PLCXD3: variants seen among roughly 807,000 people sequenced by gnomAD.
PLCXD3 encodes the protein phosphatidylinositol specific phospholipase C X domain containing 3.
PLCXD3 carries 19 observed loss-of-function variants against 25.5 expected under a neutral mutation model. The observed-to-expected ratio is 0.75, with a 90% CI of 0.52 to 1.09. PLCXD3 has a LOEUF of 1.09. PLCXD3 is among the 50% of genes least tolerant of loss of function. PLCXD3 has a pLI of 0.00. For synonymous variants in PLCXD3, 174 were observed against 137.6 expected, an observed-to-expected ratio of 1.26 and a Z score of -1.85; for missense variants, 411 against 388.1, an observed-to-expected ratio of 1.06 and a Z score of -0.50.
At chr5:41,489,102 T>C (rs2150524928) in intron 1 of PLCXD3, among the ~76,000 whole-genome samples, 1 of 152,336 alleles carries the variant, frequency 6.6e-6, no homozygotes, top group East Asian at 1.9e-4. Context: ...GAATTGATTT[T>C]TGTATAAGGT....
In PLCXD3 at chr5:41,308,645, T is replaced by C. The variant is rs774320184; in HGVS notation, c.*4972A>G. The C allele has an allele frequency of 1.4e-4, 21 of 152,138 alleles. No individual in the cohort carries two copies. The highest frequency in any genetic ancestry group is 7.2e-4 in the Admixed American group (11 of 15,256). 9.4% of individuals were successfully genotyped at this position (152,138 alleles called of 1,614,324 possible). On this transcript the variant is annotated 3_prime_UTR_variant, in exon 3 of 3. Transcript: ENST00000377801. ...AGAACCATGTTGGAACCACCTAGTA[T>C]GGATGGGCCTTTAAAAGCTCTCCTA...
intron 1 of PLCXD3, among the ~76,000 whole-genome samples, chr5:41,401,063 T>G (rs1270483543): frequency 6.6e-6 from 1 of 152,118 alleles, no homozygotes; most frequent in Admixed American, 6.5e-5. Flanking sequence ...GAAGTGTTCA[T>G]TCCAGTCTTT....
intron 1 of PLCXD3, among the ~76,000 whole-genome samples, chr5:41,453,785 A>G (rs1027612304): frequency 6.6e-6 from 1 of 151,892 alleles, no homozygotes; most frequent in Non-Finnish European, 1.5e-5. Flanking sequence ...CATGCACTGG[A>G]AAGTTTTGTC....
intron 1 of PLCXD3, among the ~76,000 whole-genome samples, chr5:41,403,401 G>T (rs9686539): frequency 0.25 from 4,001 of 16,098 alleles, 932 homozygotes; most frequent in Middle Eastern, 0.56. Flanking sequence ...CTTATTTGTT[G>T]TTTTTTTTTT....
chr5:41,417,008 G>T (rs1434318337), intron 1 of PLCXD3, among the ~76,000 whole-genome samples: 4 of 152,170 alleles, frequency 2.6e-5, no homozygotes, highest in Admixed American at 2.6e-4. Flanking sequence ...AAGAACAATG[G>T]TGGGGACATT....
At chr5:41,427,448 T>C (rs1314146739) in intron 1 of PLCXD3, among the ~76,000 whole-genome samples, 1 of 152,178 alleles carries the variant, frequency 6.6e-6, no homozygotes, top group African/African-American at 2.4e-5. Flanking sequence ...ATTTTCTTTA[T>C]CCTTTCAAGT....
chr5:41,399,603 T>A (rs113839555), intron 1 of PLCXD3, among the ~76,000 whole-genome samples: 306 of 152,218 alleles, frequency 2.0e-3, no homozygotes, highest in African/African-American at 7.1e-3. Context: ...GAAAAGATAG[T>A]ATCTTCCATA....
rs1486066067 is a variant in PLCXD3 at position 41,407,642 on chromosome 5, C to T, written c.104-25108G>A. Among the ~76,000 whole-genome samples the T allele has an allele frequency of 2.0e-5, 3 of 152,166 alleles. No individual in the cohort carries two copies. The South Asian group carries it at 6.2e-4, about 32-fold the overall frequency. Reference sequence around the variant, plus strand: ...GACAACACACAATATGTATCACAATCTACAAGACTTCTAGAATTGAACAGA... The same window carrying T: ...GACAACACACAATATGTATCACAATTTACAAGACTTCTAGAATTGAACAGA... On this transcript the variant is annotated intron_variant, in intron 1 of 2. Coordinates refer to ENST00000377801, the MANE Select transcript of PLCXD3 (RefSeq NM_001005473.3).
intron 1 of PLCXD3, among the ~76,000 whole-genome samples, chr5:41,479,362 G>T (rs747909520): frequency 6.6e-6 from 1 of 152,044 alleles, no homozygotes; most frequent in Non-Finnish European, 1.5e-5. Flanking sequence ...GTGTTTGATT[G>T]GTATAGAGTT....
Position 41,444,297 on chromosome 5 carries a change from G to T in PLCXD3, c.104-61763C>A, listed in dbSNP as rs116698258. On this transcript the variant is annotated intron_variant, in intron 1 of 2. Transcript: ENST00000377801. ...GAGGGTTAATATTATCATCAATTCT[G>T]TCTGAGGATGGCAAAGTTAGAATCA... 9.8e-4 allele frequency among the ~76,000 whole-genome samples: 149 copies of T among 152,226 alleles called. 5 individuals carry two copies. Among genetic ancestry groups the T allele is most frequent in the African/African-American group, 3.5e-3 (145 of 41,526 alleles).
At chr5:41,349,150 C>A (rs1744383126) in intron 2 of PLCXD3, among the ~76,000 whole-genome samples, 2 of 152,126 alleles carry the variant, frequency 1.3e-5, no homozygotes, top group Admixed American at 6.5e-5. Flanking sequence ...AATGTGAAGA[C>A]CCCTAGCTCT....
intron 2 of PLCXD3, among the ~76,000 whole-genome samples, chr5:41,357,872 A>G (rs961510888): frequency 1.3e-5 from 2 of 152,224 alleles, no homozygotes; most frequent in South Asian, 2.1e-4. Flanking sequence ...CAAAATTGTT[A>G]TATGTGCCCA....
chr5:41,400,502 A>C (rs949233243), intron 1 of PLCXD3, among the ~76,000 whole-genome samples: 1 of 152,164 alleles, frequency 6.6e-6, no homozygotes, highest in Non-Finnish European at 1.5e-5. Flanking sequence ...AGTACTATTC[A>C]GCCACATAGA....
At chr5:41,333,108 T>C (rs1743878531) in intron 2 of PLCXD3, among the ~76,000 whole-genome samples, 1 of 151,422 alleles carries the variant, frequency 6.6e-6, no homozygotes, top group Non-Finnish European at 1.5e-5. Context: ...AATAAAATAA[T>C]ATAAAATAAA....
chr5:41,465,960 A>G (rs560769413), intron 1 of PLCXD3, among the ~76,000 whole-genome samples: 3 of 152,230 alleles, frequency 2.0e-5, no homozygotes, highest in Non-Finnish European at 2.9e-5. Context: ...AAAAGAAACT[A>G]TCTAATTACG....
chr5:41,416,291 G>A (rs1170068163), intron 1 of PLCXD3, among the ~76,000 whole-genome samples: 1 of 152,202 alleles, frequency 6.6e-6, no homozygotes, highest in Admixed American at 6.5e-5. Flanking sequence ...TTTAGCTTTG[G>A]CTGGAATAGA....
chr5:41,307,653 G>T lies in PLCXD3; in HGVS notation c.*5964C>A, dbSNP rs1158071956. 2.0e-5 allele frequency: 3 copies of T among 152,324 alleles called. No individual in the cohort carries two copies. In the East Asian group the frequency reaches 5.8e-4, roughly 29 times the overall value. The allele number at this position is 152,324 out of a possible 1,614,324, so 9.4% of individuals were successfully genotyped here. The stretch of plus-strand genomic sequence containing the variant: ...TCTGAGAAGGTGTCACCAGGGCAGT[G>T]TCTATACCTCAGACTCTTTTATTCT... On this transcript the variant is annotated 3_prime_UTR_variant, in exon 3 of 3. Transcript: ENST00000377801.
intron 1 of PLCXD3, among the ~76,000 whole-genome samples, chr5:41,490,931 T>G (rs952543614): frequency 1.3e-5 from 2 of 152,196 alleles, no homozygotes; most frequent in Non-Finnish European, 2.9e-5. Context: ...TGTCTCTATT[T>G]CCTTCAGTTC....
chr5:41,414,088 G>A (rs1163184921), intron 1 of PLCXD3, among the ~76,000 whole-genome samples: 1 of 152,104 alleles, frequency 6.6e-6, no homozygotes, highest in Non-Finnish European at 1.5e-5. Flanking sequence ...ATAAAGCTAA[G>A]ACCCACATGC....
Sources: gnomAD v4.1 joint callset for allele counts (sites outside exome capture counted in the v4.1 genomes callset) on GRCh38, gnomAD v4.1.1 for gene constraint, MANE v1.5 for transcripts, NCBI Gene and HGNC (gene_info 2026-07-23, HGNC 2026-07-21) for gene names.